DIPK2B: variants seen among roughly 807,000 people sequenced by gnomAD.
The protein encoded by DIPK2B is UPF0672 protein CXorf36.
In DIPK2B, 15 loss-of-function variants were observed where a neutral mutation model predicts 22.2. That is an observed-to-expected ratio of 0.68 (90% confidence interval 0.45 to 1.04). The LOEUF is 1.04. Among genes scored for constraint, DIPK2B ranks in the 50% least tolerant of loss-of-function variants. The pLI, the probability that DIPK2B is intolerant of heterozygous loss-of-function variation, is 0.00. For synonymous variants in DIPK2B, 163 were observed against 153.2 expected, an observed-to-expected ratio of 1.06 and a Z score of -0.47; for missense variants, 345 against 348.3, an observed-to-expected ratio of 0.99 and a Z score of 0.08.
At position 45,165,494 on chromosome X, in the gene DIPK2B, C is replaced by T. The variant is rs778502995; in HGVS notation, c.499-7606G>A. Among the ~76,000 whole-genome samples, 7 of 110,846 alleles carry T rather than the reference C, an allele frequency of 6.3e-5. No individual in the cohort carries two copies. The Admixed American group carries it at 6.7e-4, about 11-fold the overall frequency. The stretch of plus-strand genomic sequence containing the variant: ...GGAGGGATTGAGCAGAAAGAAGAAT[C>T]AGGAGTGGCAGGTGGCAGTTGGAAA... On this transcript the variant is annotated intron_variant, in intron 2 of 4. Transcript: ENST00000398000.
intron 3 of DIPK2B, among the ~76,000 whole-genome samples, 163 bp from the exon 4 acceptor site, chrX:45,154,361 A>G (rs1261667299): frequency 1.8e-5 from 2 of 109,175 alleles, no homozygotes; most frequent in Non-Finnish European, 3.8e-5. Context: ...ATCTATCTCT[A>G]TCATCTATCT....
rs913368364 is a variant in DIPK2B at position 45,182,276 on chromosome X, G to A, written c.498+9475C>T. Reference sequence around the variant, plus strand: ...CTTTACCAAAGATGAGATCAAAAAAGCCAGTAAATATATGAAAAAGAATTC... The same window carrying A: ...CTTTACCAAAGATGAGATCAAAAAAACCAGTAAATATATGAAAAAGAATTC... On this transcript the variant is annotated intron_variant, in intron 2 of 4. Coordinates refer to ENST00000398000, the MANE Select transcript of DIPK2B (RefSeq NM_176819.4). Among the ~76,000 whole-genome samples the A allele has an allele frequency of 7.2e-5, 8 of 111,177 alleles. No homozygotes were observed. In the Admixed American group the frequency reaches 7.7e-4, roughly 11 times the overall value.
chrX:45,190,877 G>A (rs757162309), intron 2 of DIPK2B, among the ~76,000 whole-genome samples: 7 of 112,331 alleles, frequency 6.2e-5, no homozygotes, highest in Admixed American at 2.8e-4. Flanking sequence ...CTGTTATTAC[G>A]GAAGTATCTA....
intron 1 of DIPK2B, among the ~76,000 whole-genome samples, chrX:45,192,426 G>A (rs1363564397): frequency 9.0e-6 from 1 of 110,797 alleles, no homozygotes; most frequent in Admixed American, 9.6e-5. Context: ...ACAATATGTT[G>A]CCAATCAGAG....
intron 2 of DIPK2B, among the ~76,000 whole-genome samples, chrX:45,183,005 G>A (rs906107872): frequency 1.8e-5 from 2 of 111,918 alleles, no homozygotes; most frequent in Non-Finnish European, 1.9e-5. Flanking sequence ...GGCCAGAAAT[G>A]TTCAGTATCT....
At chrX:45,166,922 GAGA>G (rs891073210) in intron 2 of DIPK2B, among the ~76,000 whole-genome samples, 26 of 112,071 alleles carry the variant, frequency 2.3e-4, no homozygotes, top group African/African-American at 7.8e-4. Flanking sequence ...CTCACCCAGG[GAGA>G]AGAAGAGAAC....
intron 3 of DIPK2B, among the ~76,000 whole-genome samples, chrX:45,157,193 C>T (rs1034896805): frequency 1.8e-5 from 2 of 111,661 alleles, no homozygotes; most frequent in Non-Finnish European, 3.8e-5. Flanking sequence ...GGACTGGAAG[C>T]TGCATGAAGG....
At chrX:45,157,507 G>A (rs922884686) in intron 3 of DIPK2B, among the ~76,000 whole-genome samples, 2 of 111,600 alleles carry the variant, frequency 1.8e-5, no homozygotes, top group Non-Finnish European at 3.8e-5. Flanking sequence ...TCCCCATCCC[G>A]CTCCCAGCTC....
intron 2 of DIPK2B, among the ~76,000 whole-genome samples, chrX:45,175,351 T>C (rs755092663): frequency 3.3e-4 from 37 of 110,738 alleles, no homozygotes; most frequent in African/African-American, 1.2e-3. Context: ...GAGGAAATGA[T>C]GTATGTGAAG....
chrX:45,182,604 T>G (rs1490578133), intron 2 of DIPK2B, among the ~76,000 whole-genome samples: 2 of 113,015 alleles, frequency 1.8e-5, no homozygotes, highest in Non-Finnish European at 3.7e-5. Flanking sequence ...TAATTCACAA[T>G]AGTGCAAACT....
chrX:45,153,603 A>C (rs1406343033), intron 4 of DIPK2B, among the ~76,000 whole-genome samples: 1 of 107,973 alleles, frequency 9.3e-6, no homozygotes, highest in Non-Finnish European at 1.9e-5. Context: ...TCCCTGGGCC[A>C]CATAGACCCA....
intron 4 of DIPK2B, among the ~76,000 whole-genome samples, chrX:45,153,010 T>C (rs903332662): frequency 7.1e-5 from 8 of 112,211 alleles, no homozygotes; most frequent in African/African-American, 2.6e-4. Flanking sequence ...ATGTATTCAA[T>C]GAGTTGTAGT....
rs1432231014 is a variant in DIPK2B, at chrX:45,150,133, C to A, written c.*1519G>T. 8.9e-6 allele frequency: 1 copy of A among 111,967 alleles called. No homozygotes were observed. Among genetic ancestry groups the A allele is most frequent in the Non-Finnish European group, 1.9e-5 (1 of 53,295 alleles). 9.2% of individuals were successfully genotyped at this position (111,967 alleles called of 1,213,427 possible). On this transcript the variant is annotated 3_prime_UTR_variant, in exon 5 of 5. Coordinates refer to ENST00000398000, the MANE Select transcript of DIPK2B (RefSeq NM_176819.4). Reference sequence around the variant, plus strand: ...CTGATGTCAAGTGATCCACCCACCTCAGCCTCCCAAAGTGCTGGGATTACA... The same window carrying A: ...CTGATGTCAAGTGATCCACCCACCTAAGCCTCCCAAAGTGCTGGGATTACA...
chrX:45,162,413 G>C (rs989850784), intron 2 of DIPK2B: 1 of 752,744 alleles, frequency 1.3e-6, no homozygotes, highest in Admixed American at 8.7e-5. Flanking sequence ...GCAGGAACAG[G>C]CTTAAGAGAC....
intron 2 of DIPK2B, among the ~76,000 whole-genome samples, chrX:45,173,078 TTCAA>T (rs1348570497): frequency 1.8e-5 from 2 of 111,486 alleles, no homozygotes; most frequent in Non-Finnish European, 3.8e-5. Flanking sequence ...TGAGTCAGGG[TTCAA>T]TCAGAGGCAG....
chrX:45,153,474 T>TAG (rs778708679), intron 4 of DIPK2B, among the ~76,000 whole-genome samples: 14 of 73,853 alleles, frequency 1.9e-4, no homozygotes, highest in African/African-American at 7.3e-4. Flanking sequence ...CCCAAAAGTT[T>TAG]TGTGTGTGTG....
intron 1 of DIPK2B, among the ~76,000 whole-genome samples, chrX:45,200,020 T>A (rs2047258904): frequency 8.9e-6 from 1 of 112,362 alleles, no homozygotes; most frequent in Non-Finnish European, 1.9e-5. Flanking sequence ...AGCTGCTACT[T>A]ATTCGGTGGT....
chrX:45,162,478 C>T (rs1044282881), intron 2 of DIPK2B: 1 of 754,542 alleles, frequency 1.3e-6, no homozygotes, highest in Non-Finnish European at 1.6e-6. Flanking sequence ...CAAGGTCCCA[C>T]TTACAGAGTG....
intron 2 of DIPK2B, among the ~76,000 whole-genome samples, chrX:45,182,074 C>A (rs866300288): frequency 1.6e-3 from 142 of 86,469 alleles, no homozygotes; most frequent in Non-Finnish European, 2.0e-3. Context: ...CACCCTGTCT[C>A]AAAAAAAAAA....
Sources: allele counts gnomAD v4.1 joint callset (sites outside exome capture counted in the v4.1 genomes callset), GRCh38; gene constraint gnomAD v4.1.1; transcripts MANE v1.5; gene names NCBI Gene and HGNC (gene_info 2026-07-23, HGNC 2026-07-21).